MAP3K20: variants seen among roughly 807,000 people sequenced by gnomAD.
MAP3K20 encodes the protein mitogen-activated protein kinase kinase kinase 20.
A neutral mutation model predicts 85.7 loss-of-function variants in MAP3K20; 40 were observed. That is an observed-to-expected ratio of 0.47 (90% CI 0.36 to 0.61). The LOEUF (loss-of-function observed/expected upper bound fraction) is 0.61, where lower values mean the gene tolerates loss of function less well. Among genes scored for constraint, MAP3K20 ranks in the 20% least tolerant of loss-of-function variants. MAP3K20 has a pLI of 0.00. For missense variants in MAP3K20, 817 were observed against 961.7 expected (o/e 0.85, Z 1.99); for synonymous variants, 325 against 327.7 (o/e 0.99, Z 0.09).
At chr2:173,202,044 T>G (rs1235065577) in intron 8 of MAP3K20, among the ~76,000 whole-genome samples, 1 of 152,222 alleles carries the variant, frequency 6.6e-6, no homozygotes, top group Non-Finnish European at 1.5e-5. Flanking sequence ...AACTCATTAT[T>G]TTTAGTTACA....
At chr2:173,223,132 A>T (rs1684296027) in intron 11 of MAP3K20, 1 of 985,238 alleles carries the variant, frequency 1.0e-6, no homozygotes, top group Non-Finnish European at 1.2e-6. Context: ...ATACCACATA[A>T]TGATCAGTAT....
intron 16 of MAP3K20, among the ~76,000 whole-genome samples, chr2:173,255,880 T>C (rs185087208): frequency 1.3e-4 from 20 of 152,366 alleles, no homozygotes; most frequent in Non-Finnish European, 2.6e-4. Flanking sequence ...AGAGCAATCA[T>C]GACACCAAAC....
At chr2:173,182,258 T>G (rs780493546) in intron 3 of MAP3K20, among the ~76,000 whole-genome samples, 1 of 152,150 alleles carries the variant, frequency 6.6e-6, no homozygotes, top group Non-Finnish European at 1.5e-5. Context: ...AGAGAACTAT[T>G]TGTAGTGATG....
At chr2:173,256,308 C>T (rs369204529) in intron 16 of MAP3K20, among the ~76,000 whole-genome samples, 2 of 152,186 alleles carry the variant, frequency 1.3e-5, no homozygotes, top group East Asian at 1.9e-4. Context: ...GTACATTAGC[C>T]TTAATCCTCA....
At chr2:173,166,914 T>TG (rs1553573858) in intron 2 of MAP3K20, 9 of 146,166 alleles carry the variant, frequency 6.2e-5, no homozygotes, top group South Asian at 2.2e-4. Flanking sequence ...TTTTCTGTTT[T>TG]TTTTTTTTTT....
chr2:173,230,832 C>T (rs1684506686), intron 12 of MAP3K20, among the ~76,000 whole-genome samples: 1 of 152,004 alleles, frequency 6.6e-6, no homozygotes, highest in Non-Finnish European at 1.5e-5. Context: ...CCCATCTCTA[C>T]TAAAAATACA....
intron 2 of MAP3K20, among the ~76,000 whole-genome samples, chr2:173,112,374 C>T (rs1046230573): frequency 6.6e-6 from 1 of 152,126 alleles, no homozygotes; most frequent in East Asian, 1.9e-4. Context: ...TTGACTTCCT[C>T]TTCACTGATT....
At chr2:173,250,818 TAAAA>T (rs1020824780) in intron 16 of MAP3K20, among the ~76,000 whole-genome samples, 2 of 151,028 alleles carry the variant, frequency 1.3e-5, no homozygotes, top group Non-Finnish European at 3.0e-5. Context: ...TCTTTTTGGT[TAAAA>T]AAAAACAAAT....
At chr2:173,188,213 T>C (rs1690547353) in intron 5 of MAP3K20, among the ~76,000 whole-genome samples, 1 of 152,184 alleles carries the variant, frequency 6.6e-6, no homozygotes, top group South Asian at 2.1e-4. Flanking sequence ...CTGTATCTTA[T>C]AATTTGGAGG....
chr2:173,181,217 C>A (rs1690315182), intron 3 of MAP3K20, among the ~76,000 whole-genome samples: 1 of 151,942 alleles, frequency 6.6e-6, no homozygotes, highest in Admixed American at 6.6e-5. Flanking sequence ...TGGCCATAAT[C>A]AAAAAAACAG....
chr2:173,178,281 T>A (rs868669191), intron 3 of MAP3K20, among the ~76,000 whole-genome samples: 4 of 152,202 alleles, frequency 2.6e-5, no homozygotes, highest in Admixed American at 6.5e-5. Context: ...ATAATTTAGA[T>A]GCAGTGAACA....
intron 15 of MAP3K20, 70 bp from the exon 16 acceptor site, chr2:173,239,334 G>T: frequency 2.4e-6 from 3 of 1,230,866 alleles, no homozygotes; most frequent in Non-Finnish European, 3.3e-6. Flanking sequence ...CTAGTGCCAA[G>T]ATATCATCTT....
At chr2:173,144,532 AAAG>A (rs1559250862) in intron 2 of MAP3K20, among the ~76,000 whole-genome samples, 2 of 136,922 alleles carry the variant, frequency 1.5e-5, no homozygotes, top group Non-Finnish European at 3.1e-5. Context: ...AGAGAAAAGA[AAAG>A]AAATACAAAA....
rs1409449650 is a variant in MAP3K20 at position 173,091,201 on chromosome 2, T to A, written c.159+11T>A. 1 of 1,606,154 alleles carries A rather than the reference T, an allele frequency of 6.2e-7. No individual in the cohort carries two copies. Among genetic ancestry groups the A allele is most frequent in the East Asian group, 2.2e-5 (1 of 44,694 alleles). On this transcript the variant is annotated intron_variant, in intron 2 of 19. Transcript: ENST00000375213. ...AAAATAGAGAAAGAGGTAAGGTCTT[T>A]TCCAGCTGACAGAAACAGTCACGAT...
At chr2:173,257,396 A>G (rs1001981473) in intron 16 of MAP3K20, among the ~76,000 whole-genome samples, 1 of 152,170 alleles carries the variant, frequency 6.6e-6, no homozygotes, top group Admixed American at 6.5e-5. Flanking sequence ...CTGTTCTAGA[A>G]TATCACATAA....
chr2:173,245,835 G>A (rs1337143296), intron 16 of MAP3K20, among the ~76,000 whole-genome samples: 1 of 152,136 alleles, frequency 6.6e-6, no homozygotes, highest in East Asian at 1.9e-4. Flanking sequence ...GGGAGGCTGG[G>A]GCAGAAGAAT....
chr2:173,134,667 C>A (rs1688748820), intron 2 of MAP3K20, among the ~76,000 whole-genome samples: 1 of 151,282 alleles, frequency 6.6e-6, no homozygotes, highest in African/African-American at 2.4e-5. Context: ...TACATTGGAA[C>A]TGATACTTCC....
chr2:173,201,158 C>CT (rs1286131242), intron 8 of MAP3K20, among the ~76,000 whole-genome samples: 1 of 152,144 alleles, frequency 6.6e-6, no homozygotes, highest in Non-Finnish European at 1.5e-5. Flanking sequence ...ATCTGAAGAT[C>CT]TTTGCTTCTA....
At chr2:173,221,417 G>C in intron 11 of MAP3K20, 1 of 1,614,020 alleles carries the variant, frequency 6.2e-7, no homozygotes, top group Non-Finnish European at 8.5e-7. Context: ...TAAGAGAAGG[G>C]GGAAGAAAGT....
Sources: allele counts gnomAD v4.1 joint callset (sites outside exome capture counted in the v4.1 genomes callset), GRCh38; gene constraint gnomAD v4.1.1; transcripts MANE v1.5; gene names NCBI Gene and HGNC (gene_info 2026-07-23, HGNC 2026-07-21).